The following SULF2 variants were observed in gnomAD, a reference collection of about 807,000 sequenced individuals.
The protein encoded by SULF2 is extracellular sulfatase Sulf-2.
In SULF2, 52 loss-of-function variants were observed where a neutral mutation model predicts 107.7. The observed-to-expected ratio is 0.48, with a 90% CI of 0.39 to 0.61. The LOEUF (loss-of-function observed/expected upper bound fraction) is 0.61, where lower values mean the gene tolerates loss of function less well. Among genes scored for constraint, SULF2 ranks in the 20% least tolerant of loss-of-function variants. The pLI, the probability that SULF2 is intolerant of heterozygous loss-of-function variation, is 0.00. For missense variants in SULF2, 993 were observed against 1,177.3 expected, an observed-to-expected ratio of 0.84 and a Z score of 2.29; for synonymous variants, 460 against 464.3, an observed-to-expected ratio of 0.99 and a Z score of 0.12.
intron 3 of SULF2, among the ~76,000 whole-genome samples, chr20:47,717,322 G>A (rs564536565): frequency 7.2e-5 from 11 of 152,066 alleles, no homozygotes; most frequent in African/African-American, 2.4e-4. Flanking sequence ...CCTTTTCACC[G>A]AACATCCCAC....
At chr20:47,722,190 T>G (rs764212381) in intron 3 of SULF2, among the ~76,000 whole-genome samples, 3 of 152,250 alleles carry the variant, frequency 2.0e-5, no homozygotes. Context: ...ATAAATGAGA[T>G]AGTAATCTAA....
chr20:47,767,947 C>T (rs910660368), intron 1 of SULF2, among the ~76,000 whole-genome samples: 67 of 152,078 alleles, frequency 4.4e-4, no homozygotes, highest in Admixed American at 2.6e-4. Context: ...CTTTTCTCCC[C>T]ACCCTTGGTC....
At chr20:47,705,241 G>C (rs972982576) in intron 3 of SULF2, among the ~76,000 whole-genome samples, 10 of 152,192 alleles carry the variant, frequency 6.6e-5, no homozygotes, top group African/African-American at 2.4e-5. Context: ...GGATCCCCCA[G>C]CAGCCTCAGG....
At chr20:47,720,565 T>A (rs1260395217) in intron 3 of SULF2, among the ~76,000 whole-genome samples, 10 of 141,276 alleles carry the variant, frequency 7.1e-5, no homozygotes, top group African/African-American at 2.1e-4. Context: ...TTTTTTTTTT[T>A]AAAGAGAAGT....
At chr20:47,770,053 G>GT (rs56786760) in intron 1 of SULF2, among the ~76,000 whole-genome samples, 9,861 of 63,056 alleles carry the variant, frequency 0.16, 1,523 homozygotes, top group Non-Finnish European at 0.18. Flanking sequence ...ATCTGGTGTA[G>GT]TTTTTTTTTT....
intron 2 of SULF2, among the ~76,000 whole-genome samples, chr20:47,744,855 G>A (rs552959164): frequency 6.6e-6 from 1 of 152,268 alleles, no homozygotes; most frequent in African/African-American, 2.4e-5. Flanking sequence ...CCCCTCTCCA[G>A]GCCGCGTCCT....
chr20:47,679,286 A>T (rs982615181), intron 7 of SULF2, among the ~76,000 whole-genome samples: 6 of 151,670 alleles, frequency 4.0e-5, no homozygotes, highest in Non-Finnish European at 8.8e-5. Flanking sequence ...ACCGTCCCTC[A>T]CCCCTTTAGT....
intron 20 of SULF2, among the ~76,000 whole-genome samples, chr20:47,659,021 G>A (rs2086982439): frequency 6.6e-6 from 1 of 152,140 alleles, no homozygotes; most frequent in Non-Finnish European, 1.5e-5. Flanking sequence ...TTTGTAGCAT[G>A]GGCTTTTTGG....
intron 1 of SULF2, among the ~76,000 whole-genome samples, chr20:47,769,976 G>A (rs546540082): frequency 1.3e-3 from 205 of 152,056 alleles, no homozygotes; most frequent in African/African-American, 4.9e-3. Flanking sequence ...GGGCCGGAAA[G>A]GGGGCACGCA....
At chr20:47,684,212 C>G in intron 6 of SULF2, 1 of 470,214 alleles carries the variant, frequency 2.1e-6, no homozygotes, top group Non-Finnish European at 3.7e-6. Flanking sequence ...TATATGGTTA[C>G]CGTATTGGGC....
At chr20:47,767,102 T>G (rs2146952957) in intron 1 of SULF2, among the ~76,000 whole-genome samples, 1 of 152,292 alleles carries the variant, frequency 6.6e-6, no homozygotes, top group East Asian at 1.9e-4. Flanking sequence ...CTAGCCTGCC[T>G]GGGTTTGGAT....
chr20:47,690,319 G>A lies in SULF2; in HGVS notation c.568-24C>T. ...TCCTGGGGGGTGGGGAGAGACAGGA[G>A]AACAGGTGAGGAGCCAGGTATTCAT... On this transcript the variant is annotated intron_variant, in intron 4 of 20. Transcript: ENST00000688720. 9 of 1,431,634 alleles carry A rather than the reference G, an allele frequency of 6.3e-6. No individual in the cohort carries two copies. The South Asian group carries it at 1.5e-4, about 23-fold the overall frequency. 88.7% of individuals were successfully genotyped at this position (1,431,634 alleles called of 1,614,324 possible).
At chr20:47,769,389 G>C (rs1266122915) in intron 1 of SULF2, among the ~76,000 whole-genome samples, 2 of 149,504 alleles carry the variant, frequency 1.3e-5, no homozygotes, top group Admixed American at 1.3e-4. Flanking sequence ...GTAGAGACAG[G>C]GTTTCACCAT....
intron 11 of SULF2, among the ~76,000 whole-genome samples, chr20:47,669,313 C>T (rs149001627): frequency 4.6e-5 from 7 of 152,300 alleles, no homozygotes; most frequent in Admixed American, 6.5e-5. Flanking sequence ...CCAGGATCCC[C>T]GTGGATCAAG....
intron 2 of SULF2, among the ~76,000 whole-genome samples, chr20:47,751,316 A>G (rs2090153525): frequency 6.6e-6 from 1 of 152,110 alleles, no homozygotes. Flanking sequence ...CTCTATCCCA[A>G]TCCCAGTCCT....
At chr20:47,687,585 G>A (rs1185591828) in intron 5 of SULF2, among the ~76,000 whole-genome samples, 1 of 152,174 alleles carries the variant, frequency 6.6e-6, no homozygotes. Flanking sequence ...AAGCTCTGAG[G>A]GCTGGTGGGC....
intron 3 of SULF2, among the ~76,000 whole-genome samples, chr20:47,728,390 T>G (rs978764351): frequency 6.6e-6 from 1 of 151,772 alleles, no homozygotes; most frequent in Admixed American, 6.5e-5. Flanking sequence ...CTTCCCTGTG[T>G]GTGCAGAGAG....
chr20:47,736,562 G>T, intron 3 of SULF2, 141 bp downstream of exon 3: 2 of 1,191,260 alleles, frequency 1.7e-6, no homozygotes, highest in African/African-American at 1.5e-5. Flanking sequence ...AGAAATAAAT[G>T]CACAACTCTG....
chr20:47,709,126 T>G (rs1157346992), intron 3 of SULF2, among the ~76,000 whole-genome samples: 2 of 152,108 alleles, frequency 1.3e-5, no homozygotes, highest in Non-Finnish European at 2.9e-5. Context: ...GGCTGGGAGA[T>G]ACAGCCAAGA....
Sources: gnomAD v4.1 joint callset for allele counts (sites outside exome capture counted in the v4.1 genomes callset) on GRCh38, gnomAD v4.1.1 for gene constraint, MANE v1.5 for transcripts, NCBI Gene and HGNC (gene_info 2026-07-23, HGNC 2026-07-21) for gene names.